Variants in ATF7IP2 observed in about 807,000 individuals in gnomAD.
ATF7IP2 encodes the protein activating transcription factor 7-interacting protein 2.
Under a neutral mutation model 64.2 loss-of-function variants are expected in ATF7IP2, and 42 were observed. The ratio of observed to expected loss-of-function variants is 0.65; its 90% CI spans 0.51 to 0.85. The LOEUF is 0.85. ATF7IP2 is among the 40% of genes least tolerant of loss of function. The pLI is 0.00. For synonymous variants in ATF7IP2, 308 were observed against 272.8 expected (o/e 1.13, Z -1.27); for missense variants, 933 against 784.2 (o/e 1.19, Z -2.27).
intron 9 of ATF7IP2, among the ~76,000 whole-genome samples, chr16:10,460,906 A>G (rs1454503415): frequency 6.6e-6 from 1 of 152,190 alleles, no homozygotes; most frequent in African/African-American, 2.4e-5. Context: ...AAGACAGGCC[A>G]TCCGAGTTGG....
intron 1 of ATF7IP2, among the ~76,000 whole-genome samples, chr16:10,413,055 A>C (rs2047802549): frequency 6.6e-6 from 1 of 152,038 alleles, no homozygotes. Context: ...GTGAGCCCTT[A>C]TGTGTTAGGT....
At chr16:10,401,826 G>T (rs2047541673) in intron 1 of ATF7IP2, among the ~76,000 whole-genome samples, 1 of 149,930 alleles carries the variant, frequency 6.7e-6, no homozygotes, top group African/African-American at 2.4e-5. Flanking sequence ...TTTCTTCTTG[G>T]TTAAGGCTTA....
intron 8 of ATF7IP2, chr16:10,447,123 C>CTCTGCACAGCAGT (rs1483304237): frequency 6.6e-6 from 1 of 152,310 alleles, no homozygotes; most frequent in Non-Finnish European, 1.5e-5. Context: ...GACTCACTCA[C>CTCTGCACAGCAGT]TCTGCACAGC....
At chr16:10,412,272 G>A (rs532546635) in intron 1 of ATF7IP2, among the ~76,000 whole-genome samples, 2 of 151,564 alleles carry the variant, frequency 1.3e-5, no homozygotes, top group Non-Finnish European at 2.9e-5. Flanking sequence ...ACCTTAGATT[G>A]TCTGTTTGTG....
chr16:10,437,244 C>G (rs972644991), intron 6 of ATF7IP2, among the ~76,000 whole-genome samples: 2 of 152,196 alleles, frequency 1.3e-5, no homozygotes, highest in Non-Finnish European at 2.9e-5. Flanking sequence ...TGGTCTTCAA[C>G]TCCTGACCTC....
chr16:10,413,707 A>G (rs1471865619), intron 1 of ATF7IP2, among the ~76,000 whole-genome samples: 1 of 152,216 alleles, frequency 6.6e-6, no homozygotes, highest in East Asian at 1.9e-4. Context: ...TCCTTATAGC[A>G]GTTTTTACAG....
chr16:10,396,199 G>T, intron 1 of ATF7IP2, among the ~76,000 whole-genome samples: 1 of 152,126 alleles, frequency 6.6e-6, no homozygotes, highest in East Asian at 1.9e-4. Flanking sequence ...GAAAACTGCA[G>T]AATGTTGAGA....
chr16:10,402,609 A>T (rs967537734), intron 1 of ATF7IP2, among the ~76,000 whole-genome samples: 3 of 152,082 alleles, frequency 2.0e-5, no homozygotes, highest in Admixed American at 2.0e-4. Flanking sequence ...GACTACAAGC[A>T]TGTGCCACCA....
intron 2 of ATF7IP2, among the ~76,000 whole-genome samples, chr16:10,418,543 A>C (rs1485399348): frequency 1.3e-5 from 2 of 152,228 alleles, no homozygotes; most frequent in Admixed American, 6.5e-5. Flanking sequence ...TTAAAAGTGC[A>C]ATCATCATTG....
At chr16:10,427,685 A>G (rs2048112286) in intron 3 of ATF7IP2, among the ~76,000 whole-genome samples, 1 of 152,052 alleles carries the variant, frequency 6.6e-6, no homozygotes, top group Admixed American at 6.6e-5. Context: ...GTAAGACCCA[A>G]TATCCACAGA....
Position 10,430,663 on chromosome 16 carries a change from A to T in ATF7IP2, c.43A>T (p.Lys15Ter). 1 of 1,614,084 alleles carries T rather than the reference A, an allele frequency of 6.2e-7. No individual in the cohort carries two copies. Among genetic ancestry groups the T allele is most frequent in the African/African-American group, 1.3e-5 (1 of 75,054 alleles). Residue 15 changes from lysine (K) to a stop codon, truncating the protein, a stop_gained, in exon 5 of 14, where the codon AAA becomes TAA. Transcript: ENST00000562102. LOFTEE classifies it high-confidence loss of function. ...DRSKRKILKA[K>*]KTMPLSCRKQ... The stretch of plus-strand genomic sequence containing the variant: ...AAGTAAACGGAAGATATTAAAAGCC[A>T]AAAAGACAATGCCCCTAAGTTGCCG...
chr16:10,446,122 C>G (rs1206927446), intron 8 of ATF7IP2: 1 of 152,172 alleles, frequency 6.6e-6, no homozygotes, highest in African/African-American at 2.4e-5. Context: ...CTTTTTCCTT[C>G]AGTTACTCAG....
At chr16:10,444,283 A>C (rs965665612) in intron 8 of ATF7IP2, among the ~76,000 whole-genome samples, 1 of 152,160 alleles carries the variant, frequency 6.6e-6, no homozygotes, top group African/African-American at 2.4e-5. Flanking sequence ...GGGAGTGACA[A>C]CCTATGCCTC....
intron 12 of ATF7IP2, among the ~76,000 whole-genome samples, chr16:10,478,753 C>T (rs2050102656): frequency 2.0e-5 from 3 of 152,198 alleles, no homozygotes; most frequent in South Asian, 4.1e-4. Context: ...GCAATCTACT[C>T]ATCTGACAAA....
chr16:10,475,650 G>A (rs1480530948), intron 12 of ATF7IP2, among the ~76,000 whole-genome samples: 5 of 134,144 alleles, frequency 3.7e-5, no homozygotes, highest in Non-Finnish European at 6.1e-5. Context: ...CCGAGATCGC[G>A]CCACTGCACT....
chr16:10,483,044 G>A lies in ATF7IP2; in HGVS notation c.*795G>A, dbSNP rs1229233515. 1 of 152,192 alleles carries A rather than the reference G, an allele frequency of 6.6e-6. No homozygotes were observed. The highest frequency in any genetic ancestry group is 1.9e-4 in the East Asian group (1 of 5,202). The allele number at this position is 152,192 out of a possible 1,614,324, so 9.4% of individuals were successfully genotyped here. On this transcript the variant is annotated 3_prime_UTR_variant, in exon 14 of 14. Coordinates refer to ENST00000562102, the MANE Select transcript of ATF7IP2 (RefSeq NM_001393719.1). Reference sequence around the variant, plus strand: ...TTAAAAGATTTTATGAAACGAAATGGCTTCCCATTCTTTCTATTCAGCTTC... The same window carrying A: ...TTAAAAGATTTTATGAAACGAAATGACTTCCCATTCTTTCTATTCAGCTTC...
intron 1 of ATF7IP2, among the ~76,000 whole-genome samples, chr16:10,396,409 C>A (rs759965595): frequency 1.2e-4 from 19 of 152,196 alleles, no homozygotes; most frequent in Non-Finnish European, 2.5e-4. Flanking sequence ...CTATTTTTGC[C>A]TTCGTTCCCT....
At position 10,412,010 on chromosome 16, in the gene ATF7IP2, G is replaced by GGTTTTT. The variant is rs1476575065; in HGVS notation, c.-241-2564_-241-2563insGTTTTT. ...CTTTTTGTTTCATTTATCTTTTTTT[G>GGTTTTT]TTTTTTTTTTTTTTTTTTTTTTTTT... On this transcript the variant is annotated intron_variant, in intron 1 of 13. Coordinates refer to ENST00000562102, the MANE Select transcript of ATF7IP2 (RefSeq NM_001393719.1). Among the ~76,000 whole-genome samples, 35 of 58,386 alleles carry GGTTTTT rather than the reference G, an allele frequency of 6.0e-4. 2 individuals carry two copies. The highest frequency in any genetic ancestry group is 1.0e-3 in the African/African-American group (17 of 16,348). The allele number at this position is 58,386 out of a possible 152,430, so 38.3% of individuals were successfully genotyped here. A position where few individuals can be genotyped will look rare whatever the true frequency, so the allele number is the denominator to read the frequency against.
chr16:10,433,756 C>A (rs7205853), intron 6 of ATF7IP2, 107 bp downstream of exon 6: 224,186 of 1,285,354 alleles, frequency 0.17, 28,542 homozygotes, highest in African/African-American at 0.62. Flanking sequence ...CTTTCACTTG[C>A]TGCAGAGCTG....
Sources: gnomAD v4.1 joint callset for allele counts (sites outside exome capture counted in the v4.1 genomes callset) on GRCh38, gnomAD v4.1.1 for gene constraint, MANE v1.5 for transcripts, NCBI Gene and HGNC (gene_info 2026-07-23, HGNC 2026-07-21) for gene names.